YES1: variants seen among roughly 807,000 people sequenced by gnomAD.
YES1 encodes the protein tyrosine-protein kinase Yes.
A neutral mutation model predicts 70.4 loss-of-function variants in YES1; 39 were observed. The ratio of observed to expected loss-of-function variants is 0.55; its 90% CI spans 0.43 to 0.72. The LOEUF is 0.72. Ranked by LOEUF, YES1 falls within the 30% of genes least tolerant of loss-of-function variation. The pLI is 0.00. For missense variants in YES1, 495 were observed against 644.8 expected, an observed-to-expected ratio of 0.77 and a Z score of 2.52; for synonymous variants, 198 against 218.6, an observed-to-expected ratio of 0.91 and a Z score of 0.83.
intron 1 of YES1, among the ~76,000 whole-genome samples, chr18:779,594 T>C (rs971116964): frequency 1.3e-5 from 2 of 152,148 alleles, no homozygotes; most frequent in Non-Finnish European, 2.9e-5. Flanking sequence ...TAGGCAATTA[T>C]TAAAGGCAGT....
chr18:786,096 T>G (rs965138545), intron 1 of YES1, among the ~76,000 whole-genome samples: 2 of 152,230 alleles, frequency 1.3e-5, no homozygotes, highest in Non-Finnish European at 2.9e-5. Context: ...TTCTCTTCTT[T>G]ATAAATTACC....
chr18:727,370 A>G (rs1325514747), intron 11 of YES1, among the ~76,000 whole-genome samples: 3 of 152,180 alleles, frequency 2.0e-5, no homozygotes. Context: ...TATCTTATAA[A>G]TACCATTATA....
chr18:788,843 T>C (rs918949351), intron 1 of YES1, among the ~76,000 whole-genome samples: 5 of 152,144 alleles, frequency 3.3e-5, no homozygotes, highest in African/African-American at 4.8e-5. Context: ...GGAGAATCAC[T>C]TGAACCCAGG....
chr18:781,137 C>T (rs565762069), intron 1 of YES1, among the ~76,000 whole-genome samples: 1 of 151,918 alleles, frequency 6.6e-6, no homozygotes, highest in Non-Finnish European at 1.5e-5. Context: ...GGAGTGGTGG[C>T]AGGCACCTAT....
chr18:784,855 C>T (rs886693644), intron 1 of YES1, among the ~76,000 whole-genome samples: 2 of 152,206 alleles, frequency 1.3e-5, no homozygotes, highest in Admixed American at 1.3e-4. Context: ...TTTAACTCTA[C>T]CTGCAACTGT....
chr18:728,506 AG>A (rs1483092208), intron 11 of YES1, among the ~76,000 whole-genome samples: 2 of 152,098 alleles, frequency 1.3e-5, no homozygotes, highest in African/African-American at 4.8e-5. Context: ...ATGCTCAAAA[AG>A]TTTTGGATTT....
chr18:745,523 T>C (rs769720309), intron 6 of YES1, among the ~76,000 whole-genome samples, 185 bp downstream of exon 6: 3 of 152,216 alleles, frequency 2.0e-5, no homozygotes. Context: ...TAGCACATTA[T>C]CTGAGTAGCA....
chr18:736,977 A>G lies in YES1; in HGVS notation c.1138-16T>C, dbSNP rs759573463. On this transcript the variant is annotated splice_polypyrimidine_tract_variant and intron_variant, in intron 9 of 11. Coordinates refer to ENST00000314574, the MANE Select transcript of YES1 (RefSeq NM_005433.4). ...CATCAGCAATCTTGGAAAGAGAAAA[A>G]CAAAAAACACAAGACATACGATACA... 15 of 1,592,016 alleles carry G rather than the reference A, an allele frequency of 9.4e-6. No individual in the cohort carries two copies. Among genetic ancestry groups the G allele is most frequent in the African/African-American group, 1.3e-5 (1 of 74,282 alleles).
At chr18:733,739 C>A (rs1039296031) in intron 10 of YES1, among the ~76,000 whole-genome samples, 3 of 123,478 alleles carry the variant, frequency 2.4e-5, no homozygotes, top group African/African-American at 6.4e-5. Flanking sequence ...GCTGAGATTG[C>A]GCCACTGCAC....
At chr18:762,524 A>C (rs1904644967) in intron 1 of YES1, among the ~76,000 whole-genome samples, 1 of 152,074 alleles carries the variant, frequency 6.6e-6, no homozygotes, top group Non-Finnish European at 1.5e-5. Context: ...AATAAACCAA[A>C]CAAGAAAAAT....
chr18:789,817 T>C (rs1906149404), intron 1 of YES1, among the ~76,000 whole-genome samples: 2 of 152,020 alleles, frequency 1.3e-5, no homozygotes, highest in African/African-American at 4.8e-5. Flanking sequence ...CCCAGCACTT[T>C]GGGAGGCTGA....
chr18:770,050 C>T (rs1905084103), intron 1 of YES1, among the ~76,000 whole-genome samples: 1 of 151,700 alleles, frequency 6.6e-6, no homozygotes, highest in African/African-American at 2.4e-5. Flanking sequence ...ATCTCTGCCT[C>T]CTGGGTTCAA....
intron 2 of YES1, among the ~76,000 whole-genome samples, chr18:755,292 A>G (rs1178343567): frequency 6.7e-6 from 1 of 149,784 alleles, no homozygotes; most frequent in Non-Finnish European, 1.5e-5. Flanking sequence ...TCTGTCACCT[A>G]GGCTGGAATG....
chr18:759,994 A>G (rs1904502303), intron 1 of YES1, among the ~76,000 whole-genome samples: 1 of 151,986 alleles, frequency 6.6e-6, no homozygotes, highest in Non-Finnish European at 1.5e-5. Flanking sequence ...TTTGCTCAGA[A>G]TGATGCCTTC....
intron 11 of YES1, among the ~76,000 whole-genome samples, chr18:732,453 A>C (rs954748200): frequency 3.5e-4 from 52 of 147,178 alleles, no homozygotes; most frequent in South Asian, 6.4e-4. Context: ...AAAAAAAAAA[A>C]AAAACAAAAC....
At chr18:741,596 G>A (rs1312625490) in intron 8 of YES1, among the ~76,000 whole-genome samples, 4 of 152,104 alleles carry the variant, frequency 2.6e-5, no homozygotes, top group African/African-American at 9.7e-5. Flanking sequence ...TTGATCCCAG[G>A]AGTTCCAAAC....
chr18:802,500 C>T (rs1906875900), intron 1 of YES1, among the ~76,000 whole-genome samples: 1 of 144,904 alleles, frequency 6.9e-6, no homozygotes, highest in Non-Finnish European at 1.5e-5. Context: ...GCGGAGACCA[C>T]ACTATTGCAC....
At chr18:795,139 A>G (rs1157128331) in intron 1 of YES1, among the ~76,000 whole-genome samples, 1 of 152,232 alleles carries the variant, frequency 6.6e-6, no homozygotes, top group Non-Finnish European at 1.5e-5. Flanking sequence ...TTTGGGGAAC[A>G]TAACTGAATC....
Position 748,329 on chromosome 18 carries a change from G to A in YES1, c.372-311C>T, listed in dbSNP as rs1020428566. Among the ~76,000 whole-genome samples the A allele has an allele frequency of 3.4e-5, 5 of 149,228 alleles. No homozygotes were observed. The Admixed American group carries it at 3.4e-4, about 10-fold the overall frequency. ...GATAGTGAATAAAACAATTTGGGAGGTAAATCTTTCAAATTACTCAGTATT... is the reference window on the plus strand; with the variant it reads ...GATAGTGAATAAAACAATTTGGGAGATAAATCTTTCAAATTACTCAGTATT... On this transcript the variant is annotated intron_variant, in intron 3 of 11. Coordinates refer to ENST00000314574, the MANE Select transcript of YES1 (RefSeq NM_005433.4).
Sources: allele counts gnomAD v4.1 joint callset (sites outside exome capture counted in the v4.1 genomes callset), GRCh38; gene constraint gnomAD v4.1.1; transcripts MANE v1.5; gene names NCBI Gene and HGNC (gene_info 2026-07-23, HGNC 2026-07-21).